The following MOV10L1 variants were observed in gnomAD, a reference collection of about 807,000 sequenced individuals.
The protein encoded by MOV10L1 is RNA helicase Mov10l1.
A neutral mutation model predicts 143.8 loss-of-function variants in MOV10L1; 110 were observed. That is an observed-to-expected ratio of 0.76 (90% CI 0.66 to 0.90). The LOEUF (loss-of-function observed/expected upper bound fraction) is 0.90. MOV10L1 is among the 40% of genes least tolerant of loss of function. MOV10L1 has a pLI of 0.00. For synonymous variants in MOV10L1, 593 were observed against 581.1 expected (o/e 1.02, Z -0.29); for missense variants, 1,406 against 1,526.8 (o/e 0.92, Z 1.32).
chr22:50,142,015 C>T, intron 15 of MOV10L1, 66 bp from the exon 16 acceptor site: 1 of 1,381,194 alleles, frequency 7.2e-7, no homozygotes, highest in East Asian at 2.4e-5. Context: ...TACGTTTGCT[C>T]TTTCAACCAA....
chr22:50,147,152 AGTGGGAGGAG>A, intron 19 of MOV10L1: 1 of 1,590,452 alleles, frequency 6.3e-7, no homozygotes. Flanking sequence ...ATGTTCAGGT[AGTGGGAGGAG>A]GTGGCCGGCC....
rs138506249 is a variant in MOV10L1, at chr22:50,161,374, C to A, written c.3561C>A (p.Gly1187=). The change falls in exon 27 of 27, where the codon GGC becomes GGA. Residue 1187 remains glycine (G), a synonymous_variant. Transcript: ENST00000262794. ...PPALQSLQNC[G]EGVADPSYPV... is the part of the protein sequence containing the mutation. ...GCTTCTCCTCTGTCTACAGCTGTGGCGAGGGGGTGGCAGACCCCTCCTACC... is the reference window on the plus strand; with the variant it reads ...GCTTCTCCTCTGTCTACAGCTGTGGAGAGGGGGTGGCAGACCCCTCCTACC... 4.3e-5 allele frequency: 69 copies of A among 1,594,592 alleles called. No homozygotes were observed. The African/African-American group carries it at 8.7e-4, about 20-fold the overall frequency.
chr22:50,125,487 C>T lies in MOV10L1; in HGVS notation c.1665C>T (p.Ser555=), dbSNP rs369518619. 6.2e-6 allele frequency: 10 copies of T among 1,613,990 alleles called. No homozygotes were observed. In the African/African-American group the frequency reaches 6.7e-5, roughly 11 times the overall value. Residue 555 remains serine, a synonymous_variant, in exon 11 of 27, where the codon AGC becomes AGT. Transcript: ENST00000262794. ...TGGAACTGAAAGAGTATAACATGAG[C>T]GGGATCATCTTAAGAAGGAATGGGG... ...AEMELKEYNM[S]GIILRRNGDL... is the part of the protein sequence containing the mutation.
intron 24 of MOV10L1, among the ~76,000 whole-genome samples, chr22:50,160,391 C>T (rs1340812125): frequency 5.3e-5 from 8 of 151,528 alleles, no homozygotes; most frequent in Non-Finnish European, 4.4e-5. Flanking sequence ...GGACTACAGG[C>T]GCCCACCACC....
intron 19 of MOV10L1, among the ~76,000 whole-genome samples, chr22:50,147,761 T>TA (rs1284652114): frequency 1.3e-5 from 2 of 152,244 alleles, no homozygotes; most frequent in Admixed American, 1.3e-4. Context: ...CCTAAATACT[T>TA]ACATTCTAGG....
At chr22:50,121,518 T>C (rs924381823) in intron 10 of MOV10L1, among the ~76,000 whole-genome samples, 2 of 152,152 alleles carry the variant, frequency 1.3e-5, no homozygotes, top group African/African-American at 4.8e-5. Context: ...GCTGGGTTCT[T>C]AGGATGGAAG....
chr22:50,106,419 G>C (rs1184655754), intron 3 of MOV10L1, among the ~76,000 whole-genome samples: 1 of 142,994 alleles, frequency 7.0e-6, no homozygotes, highest in African/African-American at 2.6e-5. Flanking sequence ...TCCCACCTCA[G>C]CCTCACAAAG....
intron 3 of MOV10L1, among the ~76,000 whole-genome samples, chr22:50,104,309 A>C (rs1047980312): frequency 1.3e-5 from 2 of 151,440 alleles, no homozygotes; most frequent in African/African-American, 4.9e-5. Context: ...CCTTCTGTCT[A>C]CTCTCCCCCA....
At chr22:50,097,660 G>C (rs1449179491) in intron 2 of MOV10L1, among the ~76,000 whole-genome samples, 2 of 152,110 alleles carry the variant, frequency 1.3e-5, no homozygotes, top group Non-Finnish European at 2.9e-5. Flanking sequence ...CTGTAACTTT[G>C]TAGGAAGTTT....
At chr22:50,151,146 A>C (rs1419035742) in intron 21 of MOV10L1, among the ~76,000 whole-genome samples, 1 of 152,228 alleles carries the variant, frequency 6.6e-6, no homozygotes, top group Non-Finnish European at 1.5e-5. Context: ...TAAGAAAAGC[A>C]AGAAATAATT....
chr22:50,130,371 A>G (rs1185282690), intron 13 of MOV10L1, among the ~76,000 whole-genome samples: 1 of 152,100 alleles, frequency 6.6e-6, no homozygotes, highest in African/African-American at 2.4e-5. Flanking sequence ...TTTTTTTAAT[A>G]TTAGTGCTTT....
chr22:50,127,050 G>A (rs141540680), intron 12 of MOV10L1, among the ~76,000 whole-genome samples: 155 of 152,262 alleles, frequency 1.0e-3, no homozygotes, highest in African/African-American at 3.5e-3. Context: ...TTAGGCCATC[G>A]CCTGTGGACT....
intron 26 of MOV10L1, 144 bp from the exon 27 acceptor site, chr22:50,161,224 C>T: frequency 1.0e-6 from 1 of 977,318 alleles, no homozygotes; most frequent in Non-Finnish European, 1.5e-6. Flanking sequence ...GTTTCCTGGA[C>T]ATTTGGGGTC....
chr22:50,156,047 G>A (rs2063418282), intron 22 of MOV10L1, among the ~76,000 whole-genome samples: 1 of 151,804 alleles, frequency 6.6e-6, no homozygotes, highest in Non-Finnish European at 1.5e-5. Context: ...GTGAAACCCT[G>A]TCTCATTCAT....
intron 13 of MOV10L1, among the ~76,000 whole-genome samples, chr22:50,131,557 C>A (rs1407635384): frequency 3.3e-5 from 5 of 152,104 alleles, no homozygotes; most frequent in African/African-American, 4.8e-5. Flanking sequence ...AGAAACTTGG[C>A]AGCTTTATCC....
In MOV10L1 at chr22:50,152,706, G is replaced by A. The variant is rs1330903943; in HGVS notation, c.2893-339G>A. ...TTCCAGGGTGAAGCTCTCAGCACACGAGGGAGGCATCCACCTGCCCTCCAC... is the reference window on the plus strand; with the variant it reads ...TTCCAGGGTGAAGCTCTCAGCACACAAGGGAGGCATCCACCTGCCCTCCAC... On this transcript the variant is annotated intron_variant, in intron 21 of 26. Coordinates refer to ENST00000262794, the MANE Select transcript of MOV10L1 (RefSeq NM_018995.3). This position sits in a 1 kb window ranked among gnomAD's most constrained non-coding sequence, Gnocchi z 4.4. Among the ~76,000 whole-genome samples the A allele has an allele frequency of 1.2e-4, 18 of 152,240 alleles. No homozygotes were observed. Among genetic ancestry groups the A allele is most frequent in the Admixed American group, 9.8e-4 (15 of 15,290 alleles).
chr22:50,161,544 G>A lies in MOV10L1; in HGVS notation c.*95G>A, dbSNP rs1409708547. 1.0e-5 allele frequency: 13 copies of A among 1,251,984 alleles called. No homozygotes were observed. The highest frequency in any genetic ancestry group is 1.3e-5 in the Non-Finnish European group (12 of 904,298). 77.6% of individuals were successfully genotyped at this position (1,251,984 alleles called of 1,614,324 possible). A position where few individuals can be genotyped will look rare whatever the true frequency, so the allele number is the denominator to read the frequency against. On this transcript the variant is annotated 3_prime_UTR_variant, in exon 27 of 27. Transcript: ENST00000262794. The stretch of plus-strand genomic sequence containing the variant: ...GGCTCCTGTGGCCTGCCCTTGTCTC[G>A]CAGCCAGGCAGGGTCGTGTGTGGGT...
At chr22:50,154,758 T>G (rs921186379) in intron 22 of MOV10L1, among the ~76,000 whole-genome samples, 1 of 152,248 alleles carries the variant, frequency 6.6e-6, no homozygotes, top group Non-Finnish European at 1.5e-5. Flanking sequence ...TTTTAACTGC[T>G]GTGTTTCATG....
Position 50,147,581 on chromosome 22 carries a change from G to A in MOV10L1, c.2627+1771G>A, listed in dbSNP as rs555761484. Among the ~76,000 whole-genome samples, 437 of 150,314 alleles carry A rather than the reference G, an allele frequency of 2.9e-3. 2 individuals carry two copies. The highest frequency in any genetic ancestry group is 6.4e-3 in the African/African-American group (259 of 40,606). On this transcript the variant is annotated intron_variant, in intron 19 of 26. Coordinates refer to ENST00000262794, the MANE Select transcript of MOV10L1 (RefSeq NM_018995.3). ...TGCTGCAGGCCGCTCTCTCAGAGGCGCTCTGTGCAGAAGCAGGGAGGGTGC... is the reference window on the plus strand; with the variant it reads ...TGCTGCAGGCCGCTCTCTCAGAGGCACTCTGTGCAGAAGCAGGGAGGGTGC...
Sources: gnomAD v4.1 joint callset for allele counts (sites outside exome capture counted in the v4.1 genomes callset) on GRCh38, gnomAD v4.1.1 for gene constraint, Gnocchi (gnomAD v3.1) non-coding constraint, MANE v1.5 for transcripts, NCBI Gene and HGNC (gene_info 2026-07-23, HGNC 2026-07-21) for gene names.